ABCA10: variants seen among roughly 807,000 people sequenced by gnomAD.
ABCA10 encodes the protein ATP binding cassette subfamily A member 10.
ABCA10 carries 169 observed loss-of-function variants against 187.5 expected under a neutral mutation model. That is an observed-to-expected ratio of 0.90 (90% CI 0.80 to 1.02). The LOEUF is 1.02. ABCA10 is among the 50% of genes least tolerant of loss of function. The pLI is 0.00. For missense variants in ABCA10, 1,727 were observed against 1,812.4 expected (o/e 0.95, Z 0.86); for synonymous variants, 574 against 601.8 (o/e 0.95, Z 0.68).
intron 9 of ABCA10, among the ~76,000 whole-genome samples, chr17:69,213,249 T>C (rs1186395017): frequency 6.6e-6 from 1 of 152,096 alleles, no homozygotes; most frequent in Non-Finnish European, 1.5e-5. Context: ...TCTCAGGCTA[T>C]GGGTGGGGCC....
intron 1 of ABCA10, among the ~76,000 whole-genome samples, chr17:69,235,766 T>A (rs2074864765): frequency 6.6e-6 from 1 of 151,028 alleles, no homozygotes; most frequent in Non-Finnish European, 1.5e-5. Flanking sequence ...TCATGGTTAC[T>A]GAGATTTAAA....
Position 69,211,334 on chromosome 17 carries a change from TATATATATATATATATATATATATATAC to T in ABCA10, c.1006+3342_1006+3369del, listed in dbSNP as rs1568070310. Among the ~76,000 whole-genome samples, 39 of 132,726 alleles carry T rather than the reference TATATATATATATATATATATATATATAC, an allele frequency of 2.9e-4. 3 individuals are homozygous for T. Among genetic ancestry groups the T allele is most frequent in the African/African-American group, 1.0e-3 (34 of 33,060 alleles). The allele number at this position is 132,726 out of a possible 152,430, so 87.1% of individuals were successfully genotyped here. A position where few individuals can be genotyped will look rare whatever the true frequency, so the allele number is the denominator to read the frequency against. On this transcript the variant is annotated intron_variant, in intron 9 of 38. Coordinates refer to ENST00000690296, the MANE Select transcript of ABCA10 (RefSeq NM_001377321.1). ...TATATGATATATATATATATATATA[TATATATATATATATATATATATATATAC>T]ACACACACCACATTTTCTTTATCCA...
At chr17:69,211,668 A>G (rs1336087334) in intron 9 of ABCA10, among the ~76,000 whole-genome samples, 2 of 151,776 alleles carry the variant, frequency 1.3e-5, no homozygotes, top group Admixed American at 1.3e-4. Context: ...ACTGCTTGTT[A>G]TTGGTCTGTT....
At chr17:69,191,493 C>T (rs1255531797) in intron 16 of ABCA10, among the ~76,000 whole-genome samples, 178 bp from the exon 17 acceptor site, 1 of 152,210 alleles carries the variant, frequency 6.6e-6, no homozygotes, top group East Asian at 1.9e-4. Flanking sequence ...CTTCAAAGTG[C>T]TAATTGGTAG....
At chr17:69,213,728 G>C (rs2074678468) in intron 9 of ABCA10, among the ~76,000 whole-genome samples, 1 of 152,134 alleles carries the variant, frequency 6.6e-6, no homozygotes, top group Non-Finnish European at 1.5e-5. Flanking sequence ...TGTTGCTTCT[G>C]CGCTAGTACC....
intron 18 of ABCA10, among the ~76,000 whole-genome samples, chr17:69,188,486 T>C (rs895669518): frequency 1.3e-5 from 2 of 150,804 alleles, no homozygotes; most frequent in Non-Finnish European, 2.9e-5. Flanking sequence ...GGCTGGTATC[T>C]AGTAGCCTCC....
chr17:69,185,348 G>C (rs946530800), intron 20 of ABCA10, 129 bp downstream of exon 20: 26 of 872,630 alleles, frequency 3.0e-5, no homozygotes, highest in Non-Finnish European at 4.0e-5. Context: ...TAACCCATCA[G>C]TTTCCTTCAT....
rs1354704898 is a variant in ABCA10 at position 69,152,079 on chromosome 17, ATC to A, written c.4359_4360del (p.Glu1453AspfsTer21). 1.9e-6 allele frequency: 3 copies of A among 1,612,282 alleles called. No individual in the cohort carries two copies. The highest frequency in any genetic ancestry group is 2.2e-5 in the East Asian group (1 of 44,872). Reference sequence around the variant, plus strand: ...AGCAGCCTGTGGGAAAAGCTTCAAAATCTCTGTGTGGAGAGCTTCCACCTGGG... The same window carrying A: ...AGCAGCCTGTGGGAAAAGCTTCAAAATCTGTGTGGAGAGCTTCCACCTGGG... On this transcript the variant is annotated frameshift_variant, in exon 36 of 39. Coordinates refer to ENST00000690296, the MANE Select transcript of ABCA10 (RefSeq NM_001377321.1). LOFTEE classifies it high-confidence loss of function.
Position 69,154,218 on chromosome 17 carries a change from C to G in ABCA10, c.3786+17G>C, listed in dbSNP as rs527370037. 1.0e-5 allele frequency: 16 copies of G among 1,575,064 alleles called. No individual in the cohort carries two copies. The East Asian group carries it at 3.4e-4, about 33-fold the overall frequency. ...TCATCAATATTTAAAATAAAATTTC[C>G]TTCACATGTCACATACCACTCCTGC... On this transcript the variant is annotated intron_variant, in intron 31 of 38. Coordinates refer to ENST00000690296, the MANE Select transcript of ABCA10 (RefSeq NM_001377321.1).
At position 69,219,505 on chromosome 17, in the gene ABCA10, A is replaced by T. The variant is rs779998643; in HGVS notation, c.530+40T>A. ...AAGAACCTAGTTAGTTTCTCTAATA[A>T]TTAATGTATGATATACAGTAAAGTA... is the stretch of plus-strand genomic sequence containing the variant. On this transcript the variant is annotated intron_variant, in intron 6 of 38. Transcript: ENST00000690296. The T allele has an allele frequency of 3.0e-6, 4 of 1,349,002 alleles. No individual in the cohort carries two copies. The African/African-American group carries it at 5.9e-5, about 20-fold the overall frequency. The allele number at this position is 1,349,002 out of a possible 1,614,324, so 83.6% of individuals were successfully genotyped here. A position where few individuals can be genotyped will look rare whatever the true frequency, so the allele number is the denominator to read the frequency against.
chr17:69,165,173 T>C (rs879127150), intron 25 of ABCA10, 90 bp from the exon 26 acceptor site: 1 of 1,119,780 alleles, frequency 8.9e-7, no homozygotes, highest in Non-Finnish European at 1.3e-6. Context: ...TCCTGGGAGA[T>C]ACTGCCATTT....
chr17:69,157,102 C>T (rs1481180431), intron 27 of ABCA10, among the ~76,000 whole-genome samples, 179 bp from the exon 28 acceptor site: 1 of 152,020 alleles, frequency 6.6e-6, no homozygotes, highest in African/African-American at 2.4e-5. Flanking sequence ...AAGGTTTATT[C>T]AAACTCACCC....
chr17:69,237,383 A>G (rs1244517781), intron 1 of ABCA10, among the ~76,000 whole-genome samples: 3 of 152,232 alleles, frequency 2.0e-5, no homozygotes, highest in Non-Finnish European at 4.4e-5. Context: ...TGGCAAAGAT[A>G]GCACATCTGG....
chr17:69,183,217 T>G (rs964535500), intron 20 of ABCA10, among the ~76,000 whole-genome samples: 4 of 152,224 alleles, frequency 2.6e-5, no homozygotes, highest in Non-Finnish European at 5.9e-5. Flanking sequence ...CTAGTGATCC[T>G]GTCAACCTTA....
chr17:69,188,183 C>T (rs915447396), intron 18 of ABCA10, among the ~76,000 whole-genome samples: 13 of 152,100 alleles, frequency 8.5e-5, no homozygotes, highest in African/African-American at 3.1e-4. Context: ...TATGCAGAAG[C>T]ACAAAGACAA....
At chr17:69,205,186 G>A (rs1029622879) in intron 9 of ABCA10, among the ~76,000 whole-genome samples, 3 of 152,130 alleles carry the variant, frequency 2.0e-5, no homozygotes, top group African/African-American at 7.2e-5. Context: ...ATAAAGGTAA[G>A]TGAAATTTAA....
At chr17:69,231,007 T>C (rs1424610802), upstream of ABCA10, among the ~76,000 whole-genome samples, 1 of 152,036 alleles carries the variant, frequency 6.6e-6, no homozygotes, top group Non-Finnish European at 1.5e-5. Context: ...TCTTCTTACA[T>C]TCCCTGCCCA....
chr17:69,201,252 T>C (rs764321700), intron 10 of ABCA10, among the ~76,000 whole-genome samples: 1 of 152,062 alleles, frequency 6.6e-6, no homozygotes, highest in East Asian at 1.9e-4. Context: ...AGAGGGAGTA[T>C]AAGTAGTGGG....
intron 14 of ABCA10, 112 bp from the exon 15 acceptor site, chr17:69,193,360 C>A: frequency 6.6e-7 from 1 of 1,512,162 alleles, no homozygotes; most frequent in South Asian, 1.3e-5. Context: ...TCCACCAGAT[C>A]CCTAACAAGC....
Sources: gnomAD v4.1 joint callset for allele counts (sites outside exome capture counted in the v4.1 genomes callset) on GRCh38, gnomAD v4.1.1 for gene constraint, MANE v1.5 for transcripts, NCBI Gene and HGNC (gene_info 2026-07-23, HGNC 2026-07-21) for gene names.